The following DDC variants were observed in gnomAD, a reference collection of about 807,000 sequenced individuals.
DDC encodes the protein aromatic-L-amino-acid decarboxylase.
A neutral mutation model predicts 60.0 loss-of-function variants in DDC; 43 were observed. The ratio of observed to expected loss-of-function variants is 0.72; its 90% CI spans 0.56 to 0.92. The LOEUF (loss-of-function observed/expected upper bound fraction) is 0.92. Ranked by LOEUF, DDC falls within the 40% of genes least tolerant of loss-of-function variation. The pLI, the probability that DDC is intolerant of heterozygous loss-of-function variation, is 0.00. For missense variants in DDC, 573 were observed against 620.2 expected, an observed-to-expected ratio of 0.92 and a Z score of 0.81; for synonymous variants, 232 against 234.6, an observed-to-expected ratio of 0.99 and a Z score of 0.10.
At chr7:50,553,788 C>A (rs1246225108) in intron 1 of DDC, among the ~76,000 whole-genome samples, 2 of 152,034 alleles carry the variant, frequency 1.3e-5, no homozygotes, top group African/African-American at 4.8e-5. Flanking sequence ...CCCAGCCTGA[C>A]TTGTTTCTTG....
At chr7:50,476,875 A>C (rs1429718684) in intron 10 of DDC, among the ~76,000 whole-genome samples, 1 of 152,186 alleles carries the variant, frequency 6.6e-6, no homozygotes, top group Non-Finnish European at 1.5e-5. Context: ...TACACTCTCA[A>C]TAGACCCCCA....
intron 3 of DDC, among the ~76,000 whole-genome samples, chr7:50,539,332 A>C (rs1053137756): frequency 6.6e-6 from 1 of 152,130 alleles, no homozygotes; most frequent in East Asian, 1.9e-4. Flanking sequence ...TGGAGCACAG[A>C]GTCACGGGCA....
intron 9 of DDC, among the ~76,000 whole-genome samples, chr7:50,484,620 A>AACAGATGTGT (rs1357796861): frequency 5.3e-5 from 8 of 152,160 alleles, no homozygotes; most frequent in Non-Finnish European, 1.0e-4. Flanking sequence ...ATTTTATGGA[A>AACAGATGTGT]ACAGATGTGT....
intron 6 of DDC, among the ~76,000 whole-genome samples, chr7:50,522,557 AAAGG>A (rs1183572691): frequency 3.3e-5 from 5 of 152,254 alleles, no homozygotes; most frequent in African/African-American, 1.2e-4. Flanking sequence ...TGGTATTGGC[AAAGG>A]AAGAGACAAA....
rs2153549161 is a variant in DDC, at chr7:50,540,037, G to A, written c.202-9C>T. On this transcript the variant is annotated splice_polypyrimidine_tract_variant and intron_variant, in intron 2 of 14. Transcript: ENST00000444124. ...CTGTGCCAGTGCGTCACCTGCATGG[G>A]AGGACAGAGCAGCTGCTGAGGAGTG... 6.2e-7 allele frequency: 1 copy of A among 1,605,704 alleles called. No individual in the cohort carries two copies. Among genetic ancestry groups the A allele is most frequent in the Non-Finnish European group, 8.5e-7 (1 of 1,173,620 alleles).
intron 3 of DDC, among the ~76,000 whole-genome samples, chr7:50,539,349 G>C (rs1350679718): frequency 6.6e-6 from 1 of 152,194 alleles, no homozygotes; most frequent in East Asian, 1.9e-4. Context: ...GGCAGAGCCA[G>C]CCCTGCCTAC....
chr7:50,537,037 G>GTTTTTTTTTTTTTTTTTT (rs10574868), intron 4 of DDC, among the ~76,000 whole-genome samples: 2 of 140,364 alleles, frequency 1.4e-5, no homozygotes, highest in Non-Finnish European at 1.5e-5. Context: ...CTAGGAAGTT[G>GTTTTTTTTTTTTTTTTTT]TTTTTTTTTT....
intron 11 of DDC, 28 bp from the exon 12 acceptor site, chr7:50,470,199 A>G (rs759055267): frequency 5.4e-6 from 8 of 1,488,300 alleles, no homozygotes; most frequent in Middle Eastern, 3.4e-4. Context: ...ACAGACCATC[A>G]GTGAGGAAGA....
intron 9 of DDC, among the ~76,000 whole-genome samples, chr7:50,489,099 C>T (rs1262099358): frequency 1.3e-5 from 2 of 152,166 alleles, no homozygotes; most frequent in Non-Finnish European, 2.9e-5. Context: ...CTCTGCCTCC[C>T]AGGTTCCAGC....
intron 8 of DDC, among the ~76,000 whole-genome samples, chr7:50,495,765 A>G (rs2043114355): frequency 6.6e-6 from 1 of 152,376 alleles, no homozygotes; most frequent in South Asian, 2.1e-4. Context: ...TCAAATTTAC[A>G]TAATCTAATG....
intron 13 of DDC, among the ~76,000 whole-genome samples, chr7:50,464,219 C>T (rs1428986701): frequency 1.3e-5 from 2 of 152,006 alleles, no homozygotes; most frequent in African/African-American, 4.8e-5. Context: ...ACTTCGTGGC[C>T]CTGTCTTCAG....
chr7:50,515,651 T>A (rs1305853675), intron 6 of DDC, among the ~76,000 whole-genome samples: 1 of 152,170 alleles, frequency 6.6e-6, no homozygotes, highest in African/African-American at 2.4e-5. Flanking sequence ...ACAGAATGGA[T>A]AATAACTCAC....
At chr7:50,548,869 G>A (rs927620058) in intron 1 of DDC, among the ~76,000 whole-genome samples, 1 of 152,238 alleles carries the variant, frequency 6.6e-6, no homozygotes, top group Non-Finnish European at 1.5e-5. Context: ...AAACTTCAAA[G>A]TACAGGCTGA....
chr7:50,480,509 G>C (rs1045387189), intron 9 of DDC, among the ~76,000 whole-genome samples: 1 of 152,184 alleles, frequency 6.6e-6, no homozygotes, highest in Admixed American at 6.5e-5. Flanking sequence ...TTGTAGCCAC[G>C]GTGGACAGAA....
At chr7:50,556,090 A>G (rs960108542) in intron 1 of DDC, among the ~76,000 whole-genome samples, 1 of 152,224 alleles carries the variant, frequency 6.6e-6, no homozygotes, top group Non-Finnish European at 1.5e-5. Context: ...CTTATAGATC[A>G]TGTTCGTTAC....
intron 8 of DDC, among the ~76,000 whole-genome samples, chr7:50,496,344 C>A (rs2043127025): frequency 6.6e-6 from 1 of 152,138 alleles, no homozygotes; most frequent in African/African-American, 2.4e-5. Context: ...TTGCCTCAGC[C>A]TCCCAAAGTA....
rs537174800 is a variant in DDC, at chr7:50,471,334, G to A, written c.1042-1163C>T. On this transcript the variant is annotated intron_variant, in intron 11 of 14. Transcript: ENST00000444124. ...GGCGGAGGTTGCAGTGAGCCAAGAT[G>A]GCGCTATTGCACTCAAGCCTGGGCA... 2.1e-3 allele frequency among the ~76,000 whole-genome samples: 317 copies of A among 152,256 alleles called. 2 individuals are homozygous for A. Among genetic ancestry groups the A allele is most frequent in the South Asian group, 6.2e-4 (3 of 4,826 alleles).
intron 7 of DDC, among the ~76,000 whole-genome samples, chr7:50,501,313 C>A (rs377423834): frequency 3.9e-5 from 6 of 152,298 alleles, no homozygotes; most frequent in African/African-American, 1.4e-4. Context: ...CTTGAGATGG[C>A]CTCCCCAACT....
At chr7:50,462,805 T>G (rs1430790301) in intron 14 of DDC, among the ~76,000 whole-genome samples, 1 of 144,874 alleles carries the variant, frequency 6.9e-6, no homozygotes, top group African/African-American at 2.7e-5. Flanking sequence ...GAGTCCTGCA[T>G]TATCGCCAGG....
Sources: gnomAD v4.1 joint callset for allele counts (sites outside exome capture counted in the v4.1 genomes callset) on GRCh38, gnomAD v4.1.1 for gene constraint, MANE v1.5 for transcripts, NCBI Gene and HGNC (gene_info 2026-07-23, HGNC 2026-07-21) for gene names.